Variants in MEF2A observed in about 807,000 individuals in gnomAD.
MEF2A encodes myocyte enhancer factor 2A.
A neutral mutation model predicts 55.8 loss-of-function variants in MEF2A; 28 were observed. The ratio of observed to expected loss-of-function variants is 0.50; its 90% CI spans 0.37 to 0.69. The LOEUF is 0.69. Ranked by LOEUF, MEF2A falls within the 30% of genes least tolerant of loss-of-function variation. MEF2A has a pLI of 0.00. For missense variants in MEF2A, 528 were observed against 626.2 expected (o/e 0.84, Z 1.67); for synonymous variants, 239 against 227.1 (o/e 1.05, Z -0.47).
chr15:99,666,578 T>TATA (rs55855939), intron 4 of MEF2A, among the ~76,000 whole-genome samples: 17,357 of 141,148 alleles, frequency 0.12, 1,409 homozygotes, highest in African/African-American at 0.22. Flanking sequence ...GAACTTAAAG[T>TATA]ATAATAATAA....
intron 2 of MEF2A, among the ~76,000 whole-genome samples, chr15:99,616,050 A>G (rs1343832998): frequency 1.3e-5 from 2 of 152,190 alleles, no homozygotes; most frequent in Admixed American, 6.5e-5. Flanking sequence ...GAACACAATT[A>G]GATTTAGTGG....
intron 6 of MEF2A, 130 bp downstream of exon 6, chr15:99,674,742 G>A (rs747460164): frequency 4.6e-5 from 36 of 774,406 alleles, no homozygotes; most frequent in South Asian, 2.0e-4. Flanking sequence ...ATACATAATT[G>A]GCCTCATTTT....
chr15:99,647,315 A>C (rs2046120543), intron 4 of MEF2A, among the ~76,000 whole-genome samples: 1 of 152,128 alleles, frequency 6.6e-6, no homozygotes, highest in African/African-American at 2.4e-5. Flanking sequence ...TTATCTTATA[A>C]ATCTATATGT....
intron 2 of MEF2A, among the ~76,000 whole-genome samples, chr15:99,616,695 A>C (rs1278646403): frequency 6.6e-6 from 1 of 152,066 alleles, no homozygotes; most frequent in Non-Finnish European, 1.5e-5. Flanking sequence ...ATATATATAC[A>C]CCCATCATGT....
intron 1 of MEF2A, among the ~76,000 whole-genome samples, chr15:99,594,115 T>TGAG (rs1402265532): frequency 2.6e-5 from 4 of 152,160 alleles, no homozygotes; most frequent in African/African-American, 4.8e-5. Context: ...TCCTACAGGT[T>TGAG]GAGGGCTCAG....
chr15:99,581,440 A>G (rs1240387876), intron 1 of MEF2A, among the ~76,000 whole-genome samples: 1 of 151,786 alleles, frequency 6.6e-6, no homozygotes, highest in East Asian at 1.9e-4. Context: ...AGTTTCCACA[A>G]GTCTTAATGA....
At chr15:99,662,192 TAGGG>T (rs1181808529) in intron 4 of MEF2A, among the ~76,000 whole-genome samples, 1 of 152,214 alleles carries the variant, frequency 6.6e-6, no homozygotes, top group African/African-American at 2.4e-5. Context: ...TGAAGGGAGA[TAGGG>T]AGGGTTCTGG....
rs1390450655 is a variant in MEF2A at position 99,613,518 on chromosome 15, A to G, written c.-143+15007A>G. Reference sequence around the variant, plus strand: ...CAATTGTGATTCCTCTAAGTCTTTAATAATTGAGATTGAGAGGAGTCATTT... The same window carrying G: ...CAATTGTGATTCCTCTAAGTCTTTAGTAATTGAGATTGAGAGGAGTCATTT... On this transcript the variant is annotated intron_variant, in intron 2 of 11. Transcript: ENST00000557942. Among the ~76,000 whole-genome samples, 3 of 152,190 alleles carry G rather than the reference A, an allele frequency of 2.0e-5. No individual in the cohort carries two copies. In the East Asian group the frequency reaches 5.8e-4, roughly 29 times the overall value.
intron 2 of MEF2A, among the ~76,000 whole-genome samples, chr15:99,604,685 G>A (rs1337432972): frequency 3.4e-5 from 5 of 148,490 alleles, no homozygotes; most frequent in Non-Finnish European, 7.4e-5. Context: ...GTTGTGGTTT[G>A]ACATTGTTGG....
chr15:99,697,780 A>G (rs1224934967), intron 8 of MEF2A, among the ~76,000 whole-genome samples: 1 of 152,226 alleles, frequency 6.6e-6, no homozygotes, highest in Non-Finnish European at 1.5e-5. Flanking sequence ...GATTTTAAGA[A>G]GGAACAAAAT....
intron 4 of MEF2A, among the ~76,000 whole-genome samples, chr15:99,647,541 G>T (rs1454939755): frequency 6.6e-6 from 1 of 152,152 alleles, no homozygotes; most frequent in Non-Finnish European, 1.5e-5. Flanking sequence ...TACGGAGAAT[G>T]TAGTCTGATT....
chr15:99,647,329 A>G (rs1320832486), intron 4 of MEF2A, among the ~76,000 whole-genome samples: 1 of 152,142 alleles, frequency 6.6e-6, no homozygotes, highest in Non-Finnish European at 1.5e-5. Flanking sequence ...TATATGTCTC[A>G]TCAAAAGTTA....
At position 99,675,028 on chromosome 15, in the gene MEF2A, C is replaced by A. The variant is rs553939540; in HGVS notation, c.611-371C>A. ...CATTAATTCAGCAAAATTTATGTTA[C>A]ATTTATTGTATTAGTCTATGAAATG... On this transcript the variant is annotated intron_variant, in intron 6 of 11. Coordinates refer to ENST00000557942, the MANE Select transcript of MEF2A (RefSeq NM_001319206.4). 1.2e-4 allele frequency among the ~76,000 whole-genome samples: 18 copies of A among 152,210 alleles called. No individual in the cohort carries two copies. The East Asian group carries it at 3.3e-3, about 28-fold the overall frequency.
At chr15:99,578,003 TTAAG>T (rs1190333077) in intron 1 of MEF2A, among the ~76,000 whole-genome samples, 1 of 152,346 alleles carries the variant, frequency 6.6e-6, no homozygotes, top group Non-Finnish European at 1.5e-5. Context: ...GTTCACTTAA[TTAAG>T]GTAATATCTG....
Position 99,706,830 on chromosome 15 carries a change from A to G in MEF2A, c.984A>G (p.Ser328=). 1 of 1,614,012 alleles carries G rather than the reference A, an allele frequency of 6.2e-7. No individual in the cohort carries two copies. The highest frequency in any genetic ancestry group is 1.7e-5 in the Admixed American group (1 of 60,026). ...PSLPPQGLVY[S]AMPTAYNTDY... ...TGCCTCCGCAAGGACTTGTGTACTC[A>G]GCAATGCCGACTGCCTACAACACTG... The change falls in exon 10 of 12, where the codon TCA becomes TCG. Residue 328 remains serine (S), a synonymous_variant. Transcript: ENST00000557942.
intron 2 of MEF2A, among the ~76,000 whole-genome samples, chr15:99,622,521 G>A (rs1289614981): frequency 6.6e-6 from 1 of 151,996 alleles, no homozygotes; most frequent in Non-Finnish European, 1.5e-5. Context: ...ATTTTTTTCA[G>A]TATTTGAATA....
chr15:99,597,774 G>A (rs1028667648), intron 1 of MEF2A, among the ~76,000 whole-genome samples: 9 of 152,040 alleles, frequency 5.9e-5, no homozygotes, highest in South Asian at 2.1e-4. Context: ...GCTGGCCGAC[G>A]CTTAAGGAAA....
At chr15:99,639,225 T>G (rs2044448220) in intron 3 of MEF2A, among the ~76,000 whole-genome samples, 1 of 152,186 alleles carries the variant, frequency 6.6e-6, no homozygotes, top group Non-Finnish European at 1.5e-5. Context: ...AGAGATTTAC[T>G]GTCCTCTTTA....
At chr15:99,638,420 G>C (rs941217957) in intron 3 of MEF2A, among the ~76,000 whole-genome samples, 12 of 152,030 alleles carry the variant, frequency 7.9e-5, no homozygotes, top group African/African-American at 2.9e-4. Context: ...TGGGATTCTA[G>C]TTACATATAA....
Sources: gnomAD v4.1 joint callset for allele counts (sites outside exome capture counted in the v4.1 genomes callset) on GRCh38, gnomAD v4.1.1 for gene constraint, MANE v1.5 for transcripts, NCBI Gene and HGNC (gene_info 2026-07-23, HGNC 2026-07-21) for gene names.